Variants in MGAT5 observed in about 807,000 individuals in gnomAD.
MGAT5 encodes the protein alpha-1,6-mannosylglycoprotein 6-beta-N-acetylglucosaminyltransferase.
Under a neutral mutation model 94.3 loss-of-function variants are expected in MGAT5, and 30 were observed. The observed-to-expected ratio is 0.32, with a 90% CI of 0.24 to 0.43. The LOEUF is 0.43. MGAT5 is among the 20% of genes least tolerant of loss of function. The pLI is 1.00. For missense variants in MGAT5, 691 were observed against 905.5 expected, an observed-to-expected ratio of 0.76 and a Z score of 3.04; for synonymous variants, 310 against 322.9, an observed-to-expected ratio of 0.96 and a Z score of 0.43.
intron 10 of MGAT5, among the ~76,000 whole-genome samples, chr2:134,364,360 C>T (rs1168296692): frequency 2.6e-5 from 4 of 152,052 alleles, no homozygotes; most frequent in African/African-American, 4.8e-5. Context: ...ATTAGCTAGG[C>T]GTGGTGGCAG....
intron 2 of MGAT5, among the ~76,000 whole-genome samples, chr2:134,272,937 G>C (rs1433640140): frequency 6.6e-6 from 1 of 152,210 alleles, no homozygotes; most frequent in Non-Finnish European, 1.5e-5. Context: ...GTCTCATTAA[G>C]GATTTCTCTG....
chr2:134,441,099 G>A (rs533933947), intron 14 of MGAT5, among the ~76,000 whole-genome samples: 24 of 152,280 alleles, frequency 1.6e-4, no homozygotes, highest in African/African-American at 5.3e-4. Context: ...TGCAGTTTCT[G>A]AGAGACTATT....
At chr2:134,346,283 A>T (rs929087799) in intron 8 of MGAT5, among the ~76,000 whole-genome samples, 12 of 152,340 alleles carry the variant, frequency 7.9e-5, no homozygotes, top group Admixed American at 7.2e-4. Context: ...GAATTAAAAA[A>T]GGATAATTTT....
intron 9 of MGAT5, among the ~76,000 whole-genome samples, chr2:134,356,014 C>T (rs1265628461): frequency 6.6e-6 from 1 of 152,188 alleles, no homozygotes; most frequent in Admixed American, 6.5e-5. Flanking sequence ...ACTACATTGC[C>T]TGAGCAAACT....
At chr2:134,407,642 A>G (rs1002772950) in intron 11 of MGAT5, among the ~76,000 whole-genome samples, 8 of 152,214 alleles carry the variant, frequency 5.3e-5, no homozygotes, top group African/African-American at 1.7e-4. Flanking sequence ...TAGTCTAGCC[A>G]TTCTAGAGAC....
At chr2:134,201,099 CA>C (rs1679764329) in intron 1 of MGAT5, among the ~76,000 whole-genome samples, 1 of 151,984 alleles carries the variant, frequency 6.6e-6, no homozygotes, top group Non-Finnish European at 1.5e-5. Flanking sequence ...TTTAATCATT[CA>C]AATACCTTTA....
intron 1 of MGAT5, among the ~76,000 whole-genome samples, chr2:134,140,871 G>A (rs1474839610): frequency 2.0e-5 from 3 of 152,242 alleles, no homozygotes; most frequent in African/African-American, 7.2e-5. Context: ...TAGCTAACAA[G>A]TGAAGGAGCC....
chr2:134,220,532 T>G (rs1680709277), intron 1 of MGAT5, among the ~76,000 whole-genome samples: 1 of 152,226 alleles, frequency 6.6e-6, no homozygotes. Context: ...AATTAAGAGC[T>G]GATTTGTGAT....
At chr2:134,399,353 T>G (rs1464284162) in intron 10 of MGAT5, among the ~76,000 whole-genome samples, 1 of 152,202 alleles carries the variant, frequency 6.6e-6, no homozygotes, top group Non-Finnish European at 1.5e-5. Context: ...TTATGACTGG[T>G]TCTGAACATG....
At chr2:134,309,078 A>G (rs940943805) in intron 2 of MGAT5, among the ~76,000 whole-genome samples, 1 of 152,184 alleles carries the variant, frequency 6.6e-6, no homozygotes, top group Non-Finnish European at 1.5e-5. Flanking sequence ...ATGGAATCTC[A>G]TATGTGGCCT....
At chr2:134,377,199 G>A (rs144060560) in intron 10 of MGAT5, among the ~76,000 whole-genome samples, 3 of 152,312 alleles carry the variant, frequency 2.0e-5, no homozygotes, top group African/African-American at 7.2e-5. Flanking sequence ...CACAGTGTGG[G>A]GTATGGGGCT....
At chr2:134,448,602 C>T (rs1425731892) in intron 15 of MGAT5, 47 bp from the exon 16 acceptor site, 1 of 1,571,978 alleles carries the variant, frequency 6.4e-7, no homozygotes, top group Non-Finnish European at 8.8e-7. Context: ...CGAGGAAAGG[C>T]TCTGTCCCTT....
intron 10 of MGAT5, among the ~76,000 whole-genome samples, chr2:134,388,691 G>A (rs1402827268): frequency 2.2e-5 from 3 of 136,934 alleles, no homozygotes; most frequent in Non-Finnish European, 4.5e-5. Context: ...CATACCTGTG[G>A]TCTTCCTCCA....
intron 2 of MGAT5, among the ~76,000 whole-genome samples, chr2:134,304,883 G>C (rs777388184): frequency 6.6e-6 from 1 of 152,122 alleles, no homozygotes; most frequent in Non-Finnish European, 1.5e-5. Context: ...GCACAATCTG[G>C]TTTTTAAGAG....
intron 1 of MGAT5, among the ~76,000 whole-genome samples, chr2:134,212,705 A>G (rs1427835419): frequency 1.3e-5 from 2 of 152,226 alleles, no homozygotes; most frequent in Non-Finnish European, 2.9e-5. Context: ...TGAAAAATCA[A>G]GAATCGAGTT....
intron 1 of MGAT5, among the ~76,000 whole-genome samples, chr2:134,222,108 T>C (rs1158010400): frequency 6.6e-6 from 1 of 151,944 alleles, no homozygotes; most frequent in Non-Finnish European, 1.5e-5. Context: ...GCCAATTCTT[T>C]AAGAGGTGAG....
At chr2:134,327,028 T>A (rs996527241) in intron 4 of MGAT5, among the ~76,000 whole-genome samples, 64 of 152,284 alleles carry the variant, frequency 4.2e-4, no homozygotes, top group African/African-American at 1.5e-3. Flanking sequence ...CGTACAATGA[T>A]GTCTGGCACA....
chr2:134,327,955 G>C (rs1352404779), intron 4 of MGAT5, among the ~76,000 whole-genome samples: 1 of 152,128 alleles, frequency 6.6e-6, no homozygotes, highest in Non-Finnish European at 1.5e-5. Flanking sequence ...TCCTTATGTG[G>C]ATACAGACCA....
chr2:134,147,803 C>G (rs1686992489), intron 1 of MGAT5, among the ~76,000 whole-genome samples: 1 of 152,146 alleles, frequency 6.6e-6, no homozygotes, highest in South Asian at 2.1e-4. Context: ...GCCTGGCAGT[C>G]CGTAAGCTTG....
Sources: allele counts gnomAD v4.1 joint callset (sites outside exome capture counted in the v4.1 genomes callset), GRCh38; gene constraint gnomAD v4.1.1; transcripts MANE v1.5; gene names NCBI Gene and HGNC (gene_info 2026-07-23, HGNC 2026-07-21).